The following FBRSL1 variants were observed in gnomAD, a reference collection of about 807,000 sequenced individuals.
FBRSL1 encodes fibrosin-1-like protein.
In FBRSL1, 51 loss-of-function variants were observed where a neutral mutation model predicts 89.6. The observed-to-expected ratio is 0.57, with a 90% CI of 0.45 to 0.72. The LOEUF is 0.72. FBRSL1 is among the 30% of genes least tolerant of loss of function. The pLI is 0.00. For synonymous variants in FBRSL1, 779 were observed against 681.1 expected (o/e 1.14, Z -2.24); for missense variants, 1,618 against 1,451.8 (o/e 1.11, Z -1.86).
At chr12:132,510,518 A>G (rs565714501) in intron 2 of FBRSL1, 5 of 1,231,680 alleles carry the variant, frequency 4.1e-6, no homozygotes, top group African/African-American at 3.1e-5. Flanking sequence ...CAGGGCCCCA[A>G]GGGCCAAGGC....
intron 4 of FBRSL1, among the ~76,000 whole-genome samples, chr12:132,545,167 A>G (rs888260047): frequency 6.6e-6 from 1 of 152,168 alleles, no homozygotes; most frequent in Non-Finnish European, 1.5e-5. Flanking sequence ...CCTCCTGACC[A>G]TGCCCAGCAT....
chr12:132,505,916 C>T (rs1044611678), intron 1 of FBRSL1, among the ~76,000 whole-genome samples: 3 of 152,246 alleles, frequency 2.0e-5, no homozygotes, highest in African/African-American at 7.2e-5. Context: ...TGGGACAGCC[C>T]TCCCAGAGCT....
rs762945803 is a variant in FBRSL1, at chr12:132,503,476, TG to T, written c.292-4672del. Among the ~76,000 whole-genome samples, 117 of 152,272 alleles carry T rather than the reference TG, an allele frequency of 7.7e-4. No individual in the cohort carries two copies. The Middle Eastern group carries it at 0.02, about 27-fold the overall frequency. On this transcript the variant is annotated intron_variant, in intron 1 of 18. Transcript: ENST00000680143. ...GGGACGCCCTGGGCGGGGGGAGATGTGGGGGCTGTCGCCCACCAGGTGAGTG... is the reference window on the plus strand; with the variant it reads ...GGGACGCCCTGGGCGGGGGGAGATGTGGGGCTGTCGCCCACCAGGTGAGTG...
At chr12:132,573,947 G>T (rs2040214710) in intron 11 of FBRSL1, 143 bp from the exon 12 acceptor site, 2 of 257,418 alleles carry the variant, frequency 7.8e-6, no homozygotes, top group African/African-American at 4.6e-5. Flanking sequence ...GCGAGGGAGG[G>T]CAGGCTGTCC....
At position 132,570,216 on chromosome 12, in the gene FBRSL1, G is replaced by C; in HGVS notation, c.982G>C (p.Ala328Pro). The change falls in exon 7 of 19, where the codon GCA becomes CCA. Residue 328 changes from alanine to proline, a missense_variant. By Grantham distance (27) the Ala-to-Pro change is conservative (BLOSUM62 -1). Coordinates refer to ENST00000680143, the MANE Select transcript of FBRSL1 (RefSeq NM_001367871.1). The stretch of plus-strand genomic sequence containing the variant: ...CGCCTTCGCGGGCCACAGCCAGGCG[G>C]CAGCCAACGGCCTGCACGGCCTCAG... Reference protein sequence around the residue: ...LGAFAGHSQAAANGLHGLSRS... With the variant: ...LGAFAGHSQAPANGLHGLSRS... The C allele has an allele frequency of 6.7e-7, 1 of 1,500,348 alleles. No individual in the cohort carries two copies. Among genetic ancestry groups the C allele is most frequent in the South Asian group, 1.3e-5 (1 of 79,422 alleles). 92.9% of individuals were successfully genotyped at this position (1,500,348 alleles called of 1,614,324 possible).
intron 4 of FBRSL1, among the ~76,000 whole-genome samples, chr12:132,539,713 T>C (rs1300130125): frequency 7.5e-5 from 5 of 67,100 alleles, no homozygotes; most frequent in Non-Finnish European, 1.1e-4. Flanking sequence ...GCCCACCCAG[T>C]CCAGTCTCCC....
intron 14 of FBRSL1, among the ~76,000 whole-genome samples, chr12:132,576,255 T>C (rs2040376595): frequency 6.7e-6 from 1 of 149,562 alleles, no homozygotes; most frequent in African/African-American, 2.5e-5. Flanking sequence ...TGCAGTGGCA[T>C]GATCTCGGCT....
At chr12:132,579,124 C>T (rs2040579688) in intron 15 of FBRSL1, among the ~76,000 whole-genome samples, 1 of 152,202 alleles carries the variant, frequency 6.6e-6, no homozygotes, top group African/African-American at 2.4e-5. Flanking sequence ...AGGCTGGGCC[C>T]CCTCAGTCCC....
intron 5 of FBRSL1, among the ~76,000 whole-genome samples, chr12:132,562,569 C>CTACCCCT (rs531628702): frequency 1.3e-5 from 2 of 149,470 alleles, no homozygotes; most frequent in Non-Finnish European, 2.9e-5. Context: ...TGCAGGACCC[C>CTACCCCT]GACCCCGGGG....
rs1480849744 is a variant in FBRSL1 at position 132,555,446 on chromosome 12, A to AC, written c.645+7416dup. 4.3e-4 allele frequency among the ~76,000 whole-genome samples: 56 copies of AC among 129,196 alleles called. 14 individuals are homozygous for AC. The highest frequency in any genetic ancestry group is 7.6e-4 in the South Asian group (3 of 3,944). The allele number at this position is 129,196 out of a possible 152,430, so 84.8% of individuals were successfully genotyped here. On this transcript the variant is annotated intron_variant, in intron 5 of 18. Transcript: ENST00000680143. ...GCATGGCCTCCACGGTAGCTGCGCC[A>AC]CCGGAGCGTGAGCGTGGCCTCCACG... is the stretch of plus-strand genomic sequence containing the variant.
At chr12:132,549,862 C>T (rs776727777) in intron 5 of FBRSL1, among the ~76,000 whole-genome samples, 12 of 152,124 alleles carry the variant, frequency 7.9e-5, no homozygotes, top group Non-Finnish European at 1.3e-4. Context: ...GGCTGGAGGC[C>T]GAGGGGTCCA....
At chr12:132,526,128 G>T (rs1036107940) in intron 3 of FBRSL1, among the ~76,000 whole-genome samples, 3 of 152,274 alleles carry the variant, frequency 2.0e-5, no homozygotes, top group African/African-American at 7.2e-5. Flanking sequence ...AAGAAATGGT[G>T]AGTGAGCTGG....
At position 132,572,327 on chromosome 12, in the gene FBRSL1, C is replaced by A. The variant is rs1447159576; in HGVS notation, c.1417C>A (p.Arg473=). 2 of 1,551,176 alleles carry A rather than the reference C, an allele frequency of 1.3e-6. No homozygotes were observed. Among genetic ancestry groups the A allele is most frequent in the Non-Finnish European group, 1.7e-6 (2 of 1,146,738 alleles). Residue 473 remains arginine, a synonymous_variant, in exon 10 of 19, where the codon CGA becomes AGA. Coordinates refer to ENST00000680143, the MANE Select transcript of FBRSL1 (RefSeq NM_001367871.1). ...YAPKLDSPYF[R]HSSVSFFPSF... ...GCCCAAGCTGGACAGCCCCTACTTC[C>A]GACATTCCAGCGTGAGTGTGAGTGT...
intron 10 of FBRSL1, 68 bp from the exon 11 acceptor site, chr12:132,572,456 CCTT>C: frequency 6.7e-7 from 1 of 1,499,654 alleles, no homozygotes; most frequent in South Asian, 1.2e-5. Context: ...ATTGGTGCCA[CCTT>C]CTGGTTACAG....
chr12:132,569,209 G>A (rs1015531308), intron 6 of FBRSL1, among the ~76,000 whole-genome samples: 1 of 149,588 alleles, frequency 6.7e-6, no homozygotes, highest in African/African-American at 2.5e-5. Context: ...TTTGGGGTGT[G>A]CGGGGGTGGG....
intron 4 of FBRSL1, among the ~76,000 whole-genome samples, chr12:132,533,801 C>T (rs1027854403): frequency 2.6e-5 from 4 of 152,228 alleles, no homozygotes; most frequent in African/African-American, 7.2e-5. Flanking sequence ...GGTCCCTGCC[C>T]CCAGGGAGCT....
At chr12:132,504,281 T>G (rs892906138) in intron 1 of FBRSL1, among the ~76,000 whole-genome samples, 2 of 152,196 alleles carry the variant, frequency 1.3e-5, no homozygotes, top group African/African-American at 4.8e-5. Context: ...GTAGAATTAT[T>G]TTATCTCTCC....
At chr12:132,573,363 T>C (rs1479474782) in intron 11 of FBRSL1, among the ~76,000 whole-genome samples, 1 of 152,178 alleles carries the variant, frequency 6.6e-6, no homozygotes, top group Admixed American at 6.5e-5. Context: ...GCCCACATCG[T>C]GGACGGGCAG....
intron 5 of FBRSL1, chr12:132,560,034 C>A: frequency 6.7e-6 from 1 of 150,050 alleles, no homozygotes; most frequent in South Asian, 1.9e-4. Flanking sequence ...CAGAGCGCAC[C>A]GAGCGCCGCC....
Sources: gnomAD v4.1 joint callset for allele counts (sites outside exome capture counted in the v4.1 genomes callset) on GRCh38, gnomAD v4.1.1 for gene constraint, MANE v1.5 for transcripts, NCBI Gene and HGNC (gene_info 2026-07-23, HGNC 2026-07-21) for gene names.